Variants in FBXL18 observed in about 807,000 individuals in gnomAD.
FBXL18 encodes F-box/LRR-repeat protein 18.
In FBXL18, 36 loss-of-function variants were observed where a neutral mutation model predicts 46.0. The ratio of observed to expected loss-of-function variants is 0.78; its 90% CI spans 0.60 to 1.03. FBXL18 has a LOEUF of 1.03. FBXL18 is among the 50% of genes least tolerant of loss of function. FBXL18 has a pLI of 0.00. For missense variants in FBXL18, 977 were observed against 1,004.1 expected (o/e 0.97, Z 0.36); for synonymous variants, 557 against 465.3 (o/e 1.20, Z -2.54).
intron 1 of FBXL18, among the ~76,000 whole-genome samples, chr7:5,511,874 A>C (rs569167575): frequency 2.0e-5 from 3 of 151,972 alleles, no homozygotes; most frequent in Admixed American, 2.0e-4. Context: ...AATCCCAGCA[A>C]TTTGGGAGGC....
chr7:5,494,872 G>GA (rs1013428831), intron 3 of FBXL18, among the ~76,000 whole-genome samples: 8 of 151,992 alleles, frequency 5.3e-5, no homozygotes, highest in East Asian at 1.9e-4. Context: ...GCAGAGCGTG[G>GA]AAAAAAAACC....
intron 4 of FBXL18, among the ~76,000 whole-genome samples, chr7:5,464,094 G>A (rs1010380282): frequency 3.3e-5 from 5 of 152,024 alleles, no homozygotes; most frequent in African/African-American, 7.2e-5. Flanking sequence ...GCCTGTAATC[G>A]GAGCACTTTG....
intron 4 of FBXL18, among the ~76,000 whole-genome samples, chr7:5,456,678 G>T (rs529585026): frequency 6.6e-5 from 10 of 152,132 alleles, no homozygotes; most frequent in South Asian, 2.1e-4. Context: ...GGCCAGCATG[G>T]CTAGGAGCAG....
rs887712467 is a variant in FBXL18 at position 5,496,345 on chromosome 7, C to G, written c.1781+4143G>C. Among the ~76,000 whole-genome samples the G allele has an allele frequency of 2.6e-5, 4 of 152,166 alleles. No individual in the cohort carries two copies. Among genetic ancestry groups the G allele is most frequent in the African/African-American group, 9.7e-5 (4 of 41,442 alleles). ...CCTCTGCCTCTTGCTTCCGGAACAC[C>G]CCCTCCCTCCGGCCAGTGCCTCCCT... is the stretch of plus-strand genomic sequence containing the variant. On this transcript the variant is annotated intron_variant, in intron 3 of 4. Transcript: ENST00000382368. The surrounding 1 kb of genome is among the most constrained non-coding windows in gnomAD (Gnocchi z 4.8).
chr7:5,500,394 G>A, intron 3 of FBXL18, 94 bp downstream of exon 3: 1 of 1,215,130 alleles, frequency 8.2e-7, no homozygotes. Flanking sequence ...CTGCACTCCT[G>A]GAGGGCAGGC....
chr7:5,510,538 C>T (rs541314361), intron 1 of FBXL18, among the ~76,000 whole-genome samples: 3 of 151,768 alleles, frequency 2.0e-5, no homozygotes, highest in South Asian at 2.1e-4. Flanking sequence ...AAAAATTAGC[C>T]AGGCATGGTG....
In FBXL18 at chr7:5,455,361, C is replaced by T. The variant is rs1783156745; in HGVS notation, c.2001-7518G>A. 6.6e-6 allele frequency among the ~76,000 whole-genome samples: 1 copy of T among 151,860 alleles called. No individual in the cohort carries two copies. The highest frequency in any genetic ancestry group is 2.1e-4 in the South Asian group (1 of 4,822). On this transcript the variant is annotated intron_variant and NMD_transcript_variant, in intron 4 of 6. Transcript: ENST00000415009. The surrounding 1 kb of genome is among the most constrained non-coding windows in gnomAD (Gnocchi z 4.6). Reference sequence around the variant, plus strand: ...GGCACATACTTGAACATTCTCAGGCCACATACTTGGGGAGCACCCTCAGGG... The same window carrying T: ...GGCACATACTTGAACATTCTCAGGCTACATACTTGGGGAGCACCCTCAGGG...
rs773582690 is a variant in FBXL18, at chr7:5,501,075, C to T, written c.1194G>A (p.Ser398=). Residue 398 remains serine, a synonymous_variant, in exon 3 of 5, where the codon TCG becomes TCA. Transcript: ENST00000382368. ...LNLSAAHHHS[S]EGLGRHLCQL... ...GGCAGAGGTGGCGGCCCAGGCCCTC[C>T]GAGCTGTGGTGGTGGGCGGCCGAGA... 1 of 1,611,062 alleles carries T rather than the reference C, an allele frequency of 6.2e-7. No homozygotes were observed.
At chr7:5,489,365 T>TG in intron 4 of FBXL18, 3 of 516,264 alleles carry the variant, frequency 5.8e-6, no homozygotes, top group South Asian at 4.2e-5. Flanking sequence ...CCAGGCGTTG[T>TG]GGCTCACGCC....
intron 4 of FBXL18, among the ~76,000 whole-genome samples, chr7:5,482,469 C>T (rs920125837): frequency 3.9e-5 from 6 of 152,174 alleles, no homozygotes; most frequent in African/African-American, 1.4e-4. Context: ...ACACGTTTGA[C>T]CGCATGACAA....
At chr7:5,486,291 T>G (rs1174607475) in intron 4 of FBXL18, among the ~76,000 whole-genome samples, 1 of 138,200 alleles carries the variant, frequency 7.2e-6, no homozygotes, top group African/African-American at 2.7e-5. Context: ...TGGTGGCACA[T>G]GCCTCTAATC....
Position 5,501,920 on chromosome 7 carries a change from G to T in FBXL18, c.349C>A (p.Arg117Ser). ...LPGSTVEHVARCRSLVKVNLS... is the reference protein window; with the variant it reads ...LPGSTVEHVASCRSLVKVNLS... ...TTCACCTTCACCAGGCTGCGGCAGC[G>T]GGCCACGTGTTCCACGGTGGAGCCA... The change falls in exon 3 of 5, where the codon CGC becomes AGC. Residue 117 changes from arginine to serine, a missense_variant. By Grantham distance (110) the Arg-to-Ser change is moderately radical (BLOSUM62 -1). Transcript: ENST00000382368. 6.2e-7 allele frequency: 1 copy of T among 1,603,088 alleles called. No individual in the cohort carries two copies. Among genetic ancestry groups the T allele is most frequent in the East Asian group, 2.3e-5 (1 of 44,436 alleles).
At chr7:5,492,880 C>A (rs953704325) in intron 3 of FBXL18, among the ~76,000 whole-genome samples, 2 of 152,104 alleles carry the variant, frequency 1.3e-5, no homozygotes, top group African/African-American at 4.8e-5. Flanking sequence ...TTTGGGGCCT[C>A]TGGGCTCCAG....
chr7:5,475,182 C>T (rs946802851), downstream of FBXL18, among the ~76,000 whole-genome samples: 8 of 151,470 alleles, frequency 5.3e-5, no homozygotes, highest in Non-Finnish European at 7.4e-5. The surrounding 1 kb of genome is among the most constrained non-coding windows in gnomAD (Gnocchi z 4.2). Context: ...ATTAGCTGGG[C>T]GTGGTGGTGG....
At chr7:5,504,212 T>C (rs2128238139) in intron 2 of FBXL18, among the ~76,000 whole-genome samples, 1 of 150,912 alleles carries the variant, frequency 6.6e-6, no homozygotes, top group African/African-American at 2.4e-5. Context: ...GGTGGATCAC[T>C]TGAGGTCAGG....
rs7792799 is a variant in FBXL18 at position 5,461,754 on chromosome 7, A to G, written c.2001-13911T>C. On this transcript the variant is annotated intron_variant and NMD_transcript_variant, in intron 4 of 6. Coordinates refer to the FBXL18 transcript ENST00000415009. Reference sequence around the variant, plus strand: ...TCAGGAGTTTGAGACCAGCCTGGCCAATATGGTGAAACCCTGTCTCTACTA... The same window carrying G: ...TCAGGAGTTTGAGACCAGCCTGGCCGATATGGTGAAACCCTGTCTCTACTA... Among the ~76,000 whole-genome samples, 611 of 152,248 alleles carry G rather than the reference A, an allele frequency of 4.0e-3. 1 individual carries two copies. Among genetic ancestry groups the G allele is most frequent in the African/African-American group, 0.013 (538 of 41,566 alleles).
intron 4 of FBXL18, among the ~76,000 whole-genome samples, chr7:5,459,365 G>A (rs1245784632): frequency 6.6e-6 from 1 of 152,168 alleles, no homozygotes. Context: ...CACTTTGGGA[G>A]GCCAAGGCGG....
rs527904824 is a variant in FBXL18, at chr7:5,482,225, C to G, written c.2001-294G>C. 1.9e-4 allele frequency among the ~76,000 whole-genome samples: 29 copies of G among 152,358 alleles called. No homozygotes were observed. The South Asian group carries it at 5.8e-3, about 30-fold the overall frequency. ...GGATCAGAGGCCCCGGAGGCCAACC[C>G]TGCTCTGCAGACGTGCTGCTGGGCC... is the stretch of plus-strand genomic sequence containing the variant. On this transcript the variant is annotated intron_variant, in intron 4 of 4. Coordinates refer to ENST00000382368, the MANE Select transcript of FBXL18 (RefSeq NM_024963.6).
At chr7:5,489,637 G>A (rs1415409797) in intron 4 of FBXL18, 1 of 219,644 alleles carries the variant, frequency 4.6e-6, no homozygotes, top group African/African-American at 2.3e-5. Context: ...AAATTAGCCA[G>A]GTGTGGTGGC....
Sources: gnomAD v4.1 joint callset for allele counts (sites outside exome capture counted in the v4.1 genomes callset) on GRCh38, gnomAD v4.1.1 for gene constraint, Gnocchi (gnomAD v3.1) non-coding constraint, MANE v1.5 for transcripts, NCBI Gene and HGNC (gene_info 2026-07-23, HGNC 2026-07-21) for gene names.